Variants in CDH18 observed in about 807,000 individuals in gnomAD.
CDH18 encodes the protein cadherin-18.
A neutral mutation model predicts 67.9 loss-of-function variants in CDH18; 31 were observed. The ratio of observed to expected loss-of-function variants is 0.46; its 90% CI spans 0.34 to 0.62. CDH18 has a LOEUF of 0.62. Among genes scored for constraint, CDH18 ranks in the 20% least tolerant of loss-of-function variants. The pLI, the probability that CDH18 is intolerant of heterozygous loss-of-function variation, is 0.01. For missense variants in CDH18, 890 were observed against 975.5 expected (o/e 0.91, Z 1.17); for synonymous variants, 362 against 347.2 (o/e 1.04, Z -0.48).
chr5:20,397,528 A>T (rs1745388985), intron 1 of CDH18, among the ~76,000 whole-genome samples: 1 of 152,180 alleles, frequency 6.6e-6, no homozygotes, highest in Admixed American at 6.5e-5. Context: ...TAATTCTTAT[A>T]AACGTCTAGT....
chr5:20,293,798 A>G (rs939034490), intron 1 of CDH18, among the ~76,000 whole-genome samples: 1 of 152,210 alleles, frequency 6.6e-6, no homozygotes, highest in African/African-American at 2.4e-5. Context: ...TTATACAAAT[A>G]GTGTATTATA....
At chr5:20,277,970 G>A (rs1745930701) in intron 1 of CDH18, among the ~76,000 whole-genome samples, 1 of 152,036 alleles carries the variant, frequency 6.6e-6, no homozygotes, top group Admixed American at 6.6e-5. Context: ...CACAGTCGGA[G>A]GAGAAAAATG....
chr5:19,755,426 GGTAT>G (rs1771412793), intron 3 of CDH18, among the ~76,000 whole-genome samples: 2 of 4,088 alleles, frequency 4.9e-4, no homozygotes, highest in Middle Eastern at 0.25. Context: ...GAACTAACAG[GGTAT>G]GTATATATAT....
intron 2 of CDH18, among the ~76,000 whole-genome samples, chr5:19,921,785 G>A (rs1211719770): frequency 2.6e-5 from 4 of 152,088 alleles, no homozygotes; most frequent in African/African-American, 9.6e-5. Flanking sequence ...AATTAGTAAA[G>A]ATAATTTTTA....
intron 11 of CDH18, among the ~76,000 whole-genome samples, chr5:19,495,632 C>T (rs1489108372): frequency 3.4e-5 from 5 of 145,324 alleles, no homozygotes; most frequent in African/African-American, 7.6e-5. Flanking sequence ...CCCAGCTACT[C>T]GGCTTGAACC....
chr5:19,865,147 C>G (rs541743862), intron 2 of CDH18, among the ~76,000 whole-genome samples: 3 of 152,246 alleles, frequency 2.0e-5, no homozygotes, highest in African/African-American at 7.2e-5. Context: ...AATAAACCGT[C>G]TGCATGCAAG....
intron 1 of CDH18, among the ~76,000 whole-genome samples, chr5:20,510,343 C>T (rs765768603): frequency 2.6e-5 from 4 of 152,096 alleles, no homozygotes; most frequent in African/African-American, 4.8e-5. Context: ...GTCTGTGAGG[C>T]GCCCCTTCCT....
At chr5:20,332,209 T>G (rs533189398) in intron 1 of CDH18, among the ~76,000 whole-genome samples, 1 of 152,358 alleles carries the variant, frequency 6.6e-6, no homozygotes, top group African/African-American at 2.4e-5. Flanking sequence ...AAAAGTTATG[T>G]ACTTCTTCAT....
chr5:20,477,229 G>C (rs1752501920), intron 1 of CDH18, among the ~76,000 whole-genome samples: 1 of 152,038 alleles, frequency 6.6e-6, no homozygotes, highest in Admixed American at 6.6e-5. Flanking sequence ...ACACGAGGGA[G>C]AGAGAGCAAG....
At chr5:20,185,014 T>C (rs1215462343) in intron 2 of CDH18, among the ~76,000 whole-genome samples, 1 of 152,110 alleles carries the variant, frequency 6.6e-6, no homozygotes, top group African/African-American at 2.4e-5. Flanking sequence ...CACATTTATC[T>C]TACTCCATCA....
intron 2 of CDH18, among the ~76,000 whole-genome samples, chr5:20,009,855 A>G (rs1422390385): frequency 1.3e-5 from 2 of 152,094 alleles, no homozygotes; most frequent in East Asian, 3.9e-4. Context: ...CTAATACTCC[A>G]TTCTGGAAGA....
chr5:20,299,422 AC>A, intron 1 of CDH18, among the ~76,000 whole-genome samples: 1 of 146,740 alleles, frequency 6.8e-6, no homozygotes, highest in Admixed American at 6.8e-5. Context: ...ACACACACAC[AC>A]ACACACACAC....
chr5:20,538,898 G>GTTTTTTTTTTTTTTTTTTT lies in CDH18; in HGVS notation c.-580+36563_-580+36564insAAAAAAAAAAAAAAAAAAA, dbSNP rs376091293. On this transcript the variant is annotated intron_variant, in intron 1 of 14. Coordinates refer to the CDH18 transcript ENST00000507958. ...TGGATATACATCCACATAGCCAACT[G>GTTTTTTTTTTTTTTTTTTT]TTTTTTTTTTGTTTTTTTTTTTTTT... is the stretch of plus-strand genomic sequence containing the variant. 2.8e-5 allele frequency among the ~76,000 whole-genome samples: 3 copies of GTTTTTTTTTTTTTTTTTTT among 106,764 alleles called. 1 individual carries two copies. Among genetic ancestry groups the GTTTTTTTTTTTTTTTTTTT allele is most frequent in the Non-Finnish European group, 5.4e-5 (3 of 55,186 alleles). 70.0% of individuals were successfully genotyped at this position (106,764 alleles called of 152,430 possible).
At chr5:19,902,060 C>T (rs1292082591) in intron 2 of CDH18, among the ~76,000 whole-genome samples, 1 of 151,976 alleles carries the variant, frequency 6.6e-6, no homozygotes, top group Non-Finnish European at 1.5e-5. Flanking sequence ...AATTCATTAC[C>T]TGTTCTTATA....
chr5:19,741,022 CAAT>C (rs1178773849), intron 4 of CDH18, among the ~76,000 whole-genome samples: 1 of 151,630 alleles, frequency 6.6e-6, no homozygotes, highest in Non-Finnish European at 1.5e-5. Context: ...CATTTGCCCG[CAAT>C]AATGTTATAA....
intron 2 of CDH18, among the ~76,000 whole-genome samples, chr5:20,195,676 G>A (rs1171490109): frequency 1.3e-5 from 2 of 151,870 alleles, no homozygotes; most frequent in African/African-American, 4.8e-5. Context: ...ATTTAAGAAA[G>A]ACAAAATATG....
At chr5:20,297,634 T>G (rs1747645897) in intron 1 of CDH18, among the ~76,000 whole-genome samples, 1 of 152,162 alleles carries the variant, frequency 6.6e-6, no homozygotes, top group Non-Finnish European at 1.5e-5. Context: ...AAATATACAA[T>G]TTGTCGACAG....
intron 5 of CDH18, among the ~76,000 whole-genome samples, chr5:19,616,295 GATAC>G (rs547326131): frequency 2.0e-5 from 3 of 151,674 alleles, no homozygotes; most frequent in South Asian, 2.1e-4. Flanking sequence ...TCACCACACA[GATAC>G]ATACATTGAT....
At chr5:20,480,108 C>T (rs1270805303) in intron 1 of CDH18, among the ~76,000 whole-genome samples, 2 of 152,054 alleles carry the variant, frequency 1.3e-5, no homozygotes, top group African/African-American at 2.4e-5. Context: ...GTCATCAACA[C>T]GAGATCTGTG....
Sources: allele counts gnomAD v4.1 joint callset (sites outside exome capture counted in the v4.1 genomes callset), GRCh38; gene constraint gnomAD v4.1.1; transcripts MANE v1.5; gene names NCBI Gene and HGNC (gene_info 2026-07-23, HGNC 2026-07-21).